KLHDC4: variants seen among roughly 807,000 people sequenced by gnomAD.
The protein encoded by KLHDC4 is kelch domain-containing protein 4.
A neutral mutation model predicts 62.4 loss-of-function variants in KLHDC4; 90 were observed. The ratio of observed to expected loss-of-function variants is 1.44; its 90% CI spans 1.22 to 1.72. The LOEUF is 1.72. Among genes scored for constraint, KLHDC4 ranks in the 40% most tolerant of loss-of-function variants. The pLI is 0.00. For synonymous variants in KLHDC4, 386 were observed against 284.4 expected, an observed-to-expected ratio of 1.36 and a Z score of -3.59; for missense variants, 1,025 against 699.7, an observed-to-expected ratio of 1.47 and a Z score of -5.25.
intron 5 of KLHDC4, among the ~76,000 whole-genome samples, chr16:87,745,948 G>C (rs377414234): frequency 6.6e-6 from 1 of 152,112 alleles, no homozygotes; most frequent in Non-Finnish European, 1.5e-5. Context: ...ACCGAATCCT[G>C]CTGAGCAGTA....
At chr16:87,747,444 G>C (rs1216960690) in intron 5 of KLHDC4, 1 of 152,194 alleles carries the variant, frequency 6.6e-6, no homozygotes, top group Non-Finnish European at 1.5e-5. Flanking sequence ...TATACACAAA[G>C]AAATCCATTT....
At chr16:87,735,810 C>T (rs1269881924) in intron 5 of KLHDC4, among the ~76,000 whole-genome samples, 2 of 152,190 alleles carry the variant, frequency 1.3e-5, no homozygotes, top group African/African-American at 2.4e-5. Context: ...GCGGCTGCCT[C>T]GAGGCTCAGC....
downstream of KLHDC4, among the ~76,000 whole-genome samples, chr16:87,705,743 C>T (rs1035153938): frequency 4.6e-5 from 7 of 152,254 alleles, no homozygotes; most frequent in Admixed American, 1.3e-4. Flanking sequence ...CACACAATGG[C>T]GTCCATCTTC....
intron 5 of KLHDC4, 51 bp from the exon 6 acceptor site, chr16:87,730,695 G>A (rs373461271): frequency 2.0e-6 from 3 of 1,507,170 alleles, no homozygotes; most frequent in African/African-American, 2.8e-5. Context: ...ATTTCTGGTT[G>A]TTCTAAAGAC....
chr16:87,739,370 A>C (rs1470568469), intron 5 of KLHDC4, among the ~76,000 whole-genome samples: 1 of 125,592 alleles, frequency 8.0e-6, no homozygotes, highest in East Asian at 2.6e-4. Flanking sequence ...ATCCATCCAC[A>C]CACCAGCACG....
At chr16:87,728,409 T>C (rs900166865) in intron 6 of KLHDC4, among the ~76,000 whole-genome samples, 2 of 152,212 alleles carry the variant, frequency 1.3e-5, no homozygotes, top group African/African-American at 4.8e-5. Context: ...AAATACAGAA[T>C]ATTTTCTCTA....
At chr16:87,716,032 G>C (rs970813148) in intron 7 of KLHDC4, among the ~76,000 whole-genome samples, 2 of 152,098 alleles carry the variant, frequency 1.3e-5, no homozygotes, top group Admixed American at 1.3e-4. Context: ...TGCAGACTTT[G>C]GGTAGGCTCT....
intron 5 of KLHDC4, among the ~76,000 whole-genome samples, chr16:87,747,420 C>T (rs17836520): frequency 0.2 from 29,678 of 152,172 alleles, 3,035 homozygotes; most frequent in South Asian, 0.32. Flanking sequence ...AGTGGAAATA[C>T]GTGAGCTTCA....
intron 5 of KLHDC4, among the ~76,000 whole-genome samples, chr16:87,741,450 G>C (rs2042228069): frequency 6.6e-6 from 1 of 152,176 alleles, no homozygotes; most frequent in Non-Finnish European, 1.5e-5. Flanking sequence ...CCTGTTGTGG[G>C]CTGCACACAC....
chr16:87,731,697 T>A (rs775916543), intron 5 of KLHDC4, among the ~76,000 whole-genome samples: 2 of 152,020 alleles, frequency 1.3e-5, no homozygotes, highest in Non-Finnish European at 2.9e-5. Context: ...CTTAGCAATC[T>A]GACATAAGAC....
At chr16:87,764,453 C>A (rs2046312554) in intron 1 of KLHDC4, among the ~76,000 whole-genome samples, 1 of 151,836 alleles carries the variant, frequency 6.6e-6, no homozygotes, top group South Asian at 2.1e-4. Context: ...AGTCCCAGAC[C>A]AGCCTGACCA....
chr16:87,734,957 CGAATTGCCTGACGCCCCTCCCCCTCCTG>C (rs1567744598), intron 5 of KLHDC4, among the ~76,000 whole-genome samples: 2,544 of 59,372 alleles, frequency 0.043, 134 homozygotes, highest in African/African-American at 0.12. Flanking sequence ...CCACTCCTGA[CGAATTGCCTGACGCCCCTCCCCCTCCTG>C]ACGAATTGCC....
intron 2 of KLHDC4, among the ~76,000 whole-genome samples, chr16:87,761,495 C>T (rs948566174): frequency 1.3e-5 from 2 of 152,204 alleles, no homozygotes; most frequent in African/African-American, 4.8e-5. Flanking sequence ...AACGTTTTTA[C>T]GTAATTTTCA....
At chr16:87,702,701 C>T (rs1323882397), upstream of KLHDC4, 1 of 215,340 alleles carries the variant, frequency 4.6e-6, no homozygotes, top group Non-Finnish European at 9.5e-6. Context: ...CTCGCTCCAG[C>T]TGCCAAAGCA....
At chr16:87,716,663 G>A (rs781371906) in intron 7 of KLHDC4, among the ~76,000 whole-genome samples, 1 of 152,192 alleles carries the variant, frequency 6.6e-6, no homozygotes, top group Non-Finnish European at 1.5e-5. Context: ...GGGCACGGTG[G>A]CTTACACCTG....
chr16:87,761,892 T>A, intron 2 of KLHDC4, 57 bp downstream of exon 2: 1 of 1,550,476 alleles, frequency 6.4e-7, no homozygotes, highest in Non-Finnish European at 8.9e-7. Context: ...TTTAAAGCAG[T>A]TTTTCAATGT....
At chr16:87,711,790 G>A (rs929180149) in intron 8 of KLHDC4, among the ~76,000 whole-genome samples, 12 of 152,332 alleles carry the variant, frequency 7.9e-5, no homozygotes, top group African/African-American at 2.9e-4. Flanking sequence ...GCCCTGCACA[G>A]GGACCCTCCG....
chr16:87,714,298 A>G (rs2036485537), intron 8 of KLHDC4, 200 bp downstream of exon 8: 1 of 787,310 alleles, frequency 1.3e-6, no homozygotes, highest in South Asian at 5.8e-5. Context: ...ATGCCCCCAA[A>G]GGTGATTGCC....
downstream of KLHDC4, among the ~76,000 whole-genome samples, chr16:87,706,148 G>C (rs1365249018): frequency 7.1e-6 from 1 of 140,604 alleles, no homozygotes; most frequent in African/African-American, 2.7e-5. Context: ...CTCGCGGGGG[G>C]GTCAGCGTAA....
Sources: gnomAD v4.1 joint callset for allele counts (sites outside exome capture counted in the v4.1 genomes callset) on GRCh38, gnomAD v4.1.1 for gene constraint, MANE v1.5 for transcripts, NCBI Gene and HGNC (gene_info 2026-07-23, HGNC 2026-07-21) for gene names.